The following CREBBP variants were observed in gnomAD, a reference collection of about 807,000 sequenced individuals.
CREBBP encodes the protein CREB binding lysine acetyltransferase, also known as CREB-binding protein.
CREBBP carries 19 observed loss-of-function variants against 265.0 expected under a neutral mutation model. The ratio of observed to expected loss-of-function variants is 0.07; its 90% confidence interval spans 0.05 to 0.11. The LOEUF is 0.11. Among genes scored for constraint, CREBBP ranks in the 10% least tolerant of loss-of-function variants. The pLI is 1.00. For missense variants in CREBBP, 2,525 were observed against 3,219.0 expected (o/e 0.78, Z 5.22); for synonymous variants, 1,457 against 1,223.7 (o/e 1.19, Z -3.98).
chr16:3,802,155 A>T (rs28588085), intron 3 of CREBBP, among the ~76,000 whole-genome samples: 2 of 111,572 alleles, frequency 1.8e-5, no homozygotes, highest in African/African-American at 3.6e-5. Context: ...TTTTTGTGAC[A>T]GAGTCTCGCT....
chr16:3,769,052 C>T, intron 15 of CREBBP, 122 bp downstream of exon 15: 2 of 1,165,914 alleles, frequency 1.7e-6, no homozygotes, highest in Non-Finnish European at 2.5e-6. Flanking sequence ...CCCGAACCCA[C>T]ATTCAAACAG....
intron 24 of CREBBP, 48 bp downstream of exon 24, chr16:3,740,351 G>T (rs533445049): frequency 1.2e-6 from 2 of 1,609,920 alleles, no homozygotes; most frequent in African/African-American, 2.7e-5. Flanking sequence ...TCTGGCAAGC[G>T]GGCGTGGGGA....
chr16:3,793,927 G>C (rs1009593373), intron 3 of CREBBP, among the ~76,000 whole-genome samples: 2 of 152,176 alleles, frequency 1.3e-5, no homozygotes, highest in African/African-American at 4.8e-5. Context: ...CACAACTACA[G>C]GAAAAGCTGT....
chr16:3,788,577 CA>C (rs975451765), intron 5 of CREBBP, among the ~76,000 whole-genome samples: 1 of 151,936 alleles, frequency 6.6e-6, no homozygotes, highest in Non-Finnish European at 1.5e-5. Context: ...CCTAATTATT[CA>C]AAAAAAATTG....
Position 3,834,107 on chromosome 16 carries a change from T to C in CREBBP, c.798+16190A>G, listed in dbSNP as rs1396696523. ...ATTAGAACAGCCAAATCCAGAACAC[T>C]GTCAACACGAAATGCTGGCGAGGAT... On this transcript the variant is annotated intron_variant, in intron 2 of 30. Transcript: ENST00000262367. 3.9e-5 allele frequency among the ~76,000 whole-genome samples: 6 copies of C among 152,178 alleles called. 1 individual carries two copies. The South Asian group carries it at 1.2e-3, about 31-fold the overall frequency.
At chr16:3,758,797 T>C in intron 17 of CREBBP, 57 bp downstream of exon 17, 1 of 1,247,428 alleles carries the variant, frequency 8.0e-7, no homozygotes. Flanking sequence ...GATAAAACAA[T>C]GGACACTCAG....
rs149749821 is a variant in CREBBP, at chr16:3,838,867, A to G, written c.798+11430T>C. ...CTCAACAGCTACTTTCACTACCAAAAAATGTTTTCGGAAAACATTAGAAAA... is the reference window on the plus strand; with the variant it reads ...CTCAACAGCTACTTTCACTACCAAAGAATGTTTTCGGAAAACATTAGAAAA... On this transcript the variant is annotated intron_variant, in intron 2 of 30. Coordinates refer to ENST00000262367, the MANE Select transcript of CREBBP (RefSeq NM_004380.3). Among the ~76,000 whole-genome samples, 115 of 152,256 alleles carry G rather than the reference A, an allele frequency of 7.6e-4. No homozygotes were observed. In the East Asian group the frequency reaches 0.014, roughly 18 times the overall value.
intron 1 of CREBBP, among the ~76,000 whole-genome samples, chr16:3,872,208 C>G (rs1263132980): frequency 6.6e-6 from 1 of 152,056 alleles, no homozygotes; most frequent in East Asian, 1.9e-4. Flanking sequence ...CCACAGTCAC[C>G]GCCTATATTG....
chr16:3,772,184 A>AT (rs35580213), intron 13 of CREBBP, among the ~76,000 whole-genome samples: 44 of 149,538 alleles, frequency 2.9e-4, no homozygotes, highest in South Asian at 2.3e-3. Context: ...AGAAAAAGGT[A>AT]TTTTTTTTTT....
chr16:3,800,261 G>C (rs1296769558), intron 3 of CREBBP, among the ~76,000 whole-genome samples: 1 of 152,160 alleles, frequency 6.6e-6, no homozygotes, highest in Non-Finnish European at 1.5e-5. Context: ...GAGATGACAA[G>C]TGTGCATCAC....
chr16:3,757,507 G>A (rs993979410), intron 18 of CREBBP, 131 bp from the exon 19 acceptor site: 58 of 946,998 alleles, frequency 6.1e-5, no homozygotes, highest in African/African-American at 1.3e-4. Flanking sequence ...AACAATTTTA[G>A]TAGCTTTAAA....
chr16:3,768,748 C>G (rs1362918892), intron 15 of CREBBP, among the ~76,000 whole-genome samples: 1 of 152,118 alleles, frequency 6.6e-6, no homozygotes, highest in South Asian at 2.1e-4. Context: ...TTTGCAATTT[C>G]CTGATTTTTA....
chr16:3,740,657 G>C (rs2052181339), intron 23 of CREBBP, 108 bp from the exon 24 acceptor site: 1 of 1,267,494 alleles, frequency 7.9e-7, no homozygotes, highest in Non-Finnish European at 1.1e-6. Flanking sequence ...ATATTTTAAA[G>C]GACTAATGTT....
chr16:3,792,145 C>T (rs1227823218), intron 4 of CREBBP, 51 bp from the exon 5 acceptor site: 3 of 1,383,270 alleles, frequency 2.2e-6, no homozygotes, highest in African/African-American at 2.8e-5. Flanking sequence ...AATCGTCACA[C>T]TTTCAATTAT....
intron 28 of CREBBP, among the ~76,000 whole-genome samples, chr16:3,733,793 C>A (rs369506851): frequency 6.6e-6 from 1 of 152,108 alleles, no homozygotes; most frequent in Non-Finnish European, 1.5e-5. Context: ...AGGCGTGCGC[C>A]ACCACACCTG....
chr16:3,738,093 T>C (rs575227671), intron 26 of CREBBP, among the ~76,000 whole-genome samples: 2 of 150,624 alleles, frequency 1.3e-5, no homozygotes, highest in East Asian at 4.0e-4. Flanking sequence ...GCCTTTTTTT[T>C]AATTTTTAGT....
Position 3,839,161 on chromosome 16 carries a change from T to TA in CREBBP, c.798+11135dup, listed in dbSNP as rs1297965708. On this transcript the variant is annotated intron_variant, in intron 2 of 30. Coordinates refer to ENST00000262367, the MANE Select transcript of CREBBP (RefSeq NM_004380.3). ...CAAAAAAACTAAAACCCAGAGAGAT[T>TA]AAATAAGTTTCCCATAGCTAATAAT... 3.9e-5 allele frequency among the ~76,000 whole-genome samples: 6 copies of TA among 152,176 alleles called. No homozygotes were observed. In the East Asian group the frequency reaches 1.2e-3, roughly 29 times the overall value.
intron 5 of CREBBP, among the ~76,000 whole-genome samples, chr16:3,784,120 T>G (rs1000646376): frequency 6.6e-6 from 1 of 152,206 alleles, no homozygotes; most frequent in African/African-American, 2.4e-5. Flanking sequence ...ACACACCATT[T>G]TTGATACATA....
intron 16 of CREBBP, among the ~76,000 whole-genome samples, chr16:3,765,354 T>C (rs986612550): frequency 2.6e-5 from 4 of 152,356 alleles, no homozygotes; most frequent in Middle Eastern, 3.4e-3. Flanking sequence ...GTGCGCTGCA[T>C]AGGCACAGTG....
Sources: gnomAD v4.1 joint callset for allele counts (sites outside exome capture counted in the v4.1 genomes callset) on GRCh38, gnomAD v4.1.1 for gene constraint, MANE v1.5 for transcripts, NCBI Gene and HGNC (gene_info 2026-07-23, HGNC 2026-07-21) for gene names.